The following PHF21B variants were observed in gnomAD, a reference collection of about 807,000 sequenced individuals.
PHF21B encodes the protein PHD finger protein 4.
In PHF21B, 22 loss-of-function variants were observed where a neutral mutation model predicts 62.2. The observed-to-expected ratio is 0.35, with a 90% CI of 0.25 to 0.51. The LOEUF is 0.51. Ranked by LOEUF, PHF21B falls within the 20% of genes least tolerant of loss-of-function variation. The pLI is 0.97. For missense variants in PHF21B, 701 were observed against 707.9 expected (o/e 0.99, Z 0.11); for synonymous variants, 341 against 314.7 (o/e 1.08, Z -0.88).
intron 2 of PHF21B, among the ~76,000 whole-genome samples, chr22:44,931,797 T>G (rs1894520): frequency 0.63 from 96,031 of 151,990 alleles, 32,285 homozygotes; most frequent in Admixed American, 0.74. Context: ...AAACGGCCAC[T>G]TCTGCATCTA....
At chr22:44,974,409 T>TAAA (rs77760918) in intron 2 of PHF21B, among the ~76,000 whole-genome samples, 3 of 135,142 alleles carry the variant, frequency 2.2e-5, no homozygotes, top group African/African-American at 5.5e-5. Flanking sequence ...GACCCTGTCT[T>TAAA]AAAAAAAAAA....
intron 2 of PHF21B, chr22:45,001,245 G>A (rs1364632786): frequency 1.3e-5 from 2 of 152,342 alleles, no homozygotes; most frequent in African/African-American, 4.8e-5. Context: ...GATGTGTCCT[G>A]AAGATTCACC....
At chr22:44,991,638 G>A (rs888235909) in intron 2 of PHF21B, among the ~76,000 whole-genome samples, 6 of 152,188 alleles carry the variant, frequency 3.9e-5, no homozygotes, top group African/African-American at 9.7e-5. Context: ...ACAGAGCTCG[G>A]GGGACCCTGG....
At chr22:44,947,739 C>T (rs183694517) in intron 2 of PHF21B, among the ~76,000 whole-genome samples, 1 of 152,358 alleles carries the variant, frequency 6.6e-6, no homozygotes, top group Non-Finnish European at 1.5e-5. Context: ...TCTGGGTCTC[C>T]AAGCACAGGG....
In PHF21B at chr22:44,907,639, G is replaced by A. The variant is rs987475435; in HGVS notation, c.831+6183C>T. 7.2e-5 allele frequency among the ~76,000 whole-genome samples: 11 copies of A among 152,336 alleles called. No homozygotes were observed. The South Asian group carries it at 1.2e-3, about 17-fold the overall frequency. ...TCAAGGAGGTTCTGGCCTTGGTCAC[G>A]GGAAGGGCGGAACACAGCTAAGAGA... is the stretch of plus-strand genomic sequence containing the variant. On this transcript the variant is annotated intron_variant, in intron 5 of 12. Coordinates refer to ENST00000313237, the MANE Select transcript of PHF21B (RefSeq NM_138415.5).
intron 2 of PHF21B, among the ~76,000 whole-genome samples, chr22:44,967,591 T>C (rs1462278026): frequency 6.6e-6 from 1 of 152,204 alleles, no homozygotes; most frequent in Non-Finnish European, 1.5e-5. Flanking sequence ...TATGAAGATA[T>C]AGCACAGAGC....
intron 2 of PHF21B, among the ~76,000 whole-genome samples, chr22:44,923,487 T>G (rs1440563380): frequency 6.6e-6 from 1 of 151,824 alleles, no homozygotes; most frequent in African/African-American, 2.4e-5. Context: ...AAAAACATAA[T>G]CGATATAAGG....
At chr22:44,951,383 G>A (rs2072191299) in intron 2 of PHF21B, among the ~76,000 whole-genome samples, 1 of 152,180 alleles carries the variant, frequency 6.6e-6, no homozygotes, top group Non-Finnish European at 1.5e-5. Flanking sequence ...TCGGGGTAAT[G>A]CGAGCAATGG....
intron 5 of PHF21B, among the ~76,000 whole-genome samples, chr22:44,908,062 G>A (rs1326637772): frequency 6.6e-6 from 1 of 152,184 alleles, no homozygotes; most frequent in Non-Finnish European, 1.5e-5. Flanking sequence ...AATCAGGGAA[G>A]GATGATAACC....
intron 5 of PHF21B, among the ~76,000 whole-genome samples, chr22:44,898,136 G>C (rs963169060): frequency 6.6e-6 from 1 of 152,144 alleles, no homozygotes; most frequent in African/African-American, 2.4e-5. Context: ...GATCCCACAT[G>C]ATATTTAGAT....
intron 2 of PHF21B, among the ~76,000 whole-genome samples, chr22:44,949,124 A>G (rs2072138934): frequency 6.6e-6 from 1 of 152,066 alleles, no homozygotes. Flanking sequence ...CAACATGGAG[A>G]AACCCCGTCT....
intron 2 of PHF21B, among the ~76,000 whole-genome samples, chr22:44,977,374 G>C (rs576786927): frequency 2.0e-4 from 30 of 152,174 alleles, no homozygotes; most frequent in Admixed American, 1.6e-3. Context: ...AGACCAGCCT[G>C]GCCAACATGG....
intron 2 of PHF21B, chr22:44,933,570 C>T (rs769054320): frequency 1.0e-5 from 10 of 980,108 alleles, no homozygotes; most frequent in African/African-American, 7.0e-5. Flanking sequence ...CGCAACTCAA[C>T]GGAAGTGCAC....
chr22:44,985,745 A>T (rs1222804617), intron 2 of PHF21B, among the ~76,000 whole-genome samples: 1 of 152,202 alleles, frequency 6.6e-6, no homozygotes, highest in Non-Finnish European at 1.5e-5. Flanking sequence ...TCACCATAGG[A>T]GGTGGTCAGT....
intron 2 of PHF21B, among the ~76,000 whole-genome samples, chr22:44,995,496 T>G (rs549088898): frequency 3.2e-4 from 49 of 151,744 alleles, no homozygotes; most frequent in African/African-American, 1.2e-3. Flanking sequence ...CCTTGAAGAG[T>G]CCCGAGGCAC....
intron 1 of PHF21B, chr22:45,008,869 C>G: frequency 1.7e-6 from 2 of 1,179,236 alleles, no homozygotes; most frequent in Non-Finnish European, 2.1e-6. Context: ...CGCCCCGAGC[C>G]GTGCAAGTTT....
intron 2 of PHF21B, among the ~76,000 whole-genome samples, chr22:45,006,963 A>G (rs1239647816): frequency 4.6e-5 from 7 of 151,778 alleles, no homozygotes; most frequent in Non-Finnish European, 7.4e-5. Context: ...CAAAAATGGC[A>G]TCAAAGCAAT....
intron 2 of PHF21B, among the ~76,000 whole-genome samples, chr22:44,981,092 C>G (rs918847713): frequency 6.6e-6 from 1 of 152,076 alleles, no homozygotes; most frequent in Admixed American, 6.6e-5. Context: ...TGGGGGTTGC[C>G]GTGTCTCTGG....
chr22:44,926,255 C>T (rs1223764618), intron 2 of PHF21B, among the ~76,000 whole-genome samples: 2 of 151,368 alleles, frequency 1.3e-5, no homozygotes, highest in Non-Finnish European at 3.0e-5. Flanking sequence ...GGTTCTGTGG[C>T]GGGAAGGCCC....
Sources: gnomAD v4.1 joint callset for allele counts (sites outside exome capture counted in the v4.1 genomes callset) on GRCh38, gnomAD v4.1.1 for gene constraint, MANE v1.5 for transcripts, NCBI Gene and HGNC (gene_info 2026-07-23, HGNC 2026-07-21) for gene names.